Variants in RORA observed in about 807,000 individuals in gnomAD.
RORA encodes nuclear receptor ROR-alpha.
RORA carries 7 observed loss-of-function variants against 69.5 expected under a neutral mutation model. The ratio of observed to expected loss-of-function variants is 0.10; its 90% confidence interval spans 0.06 to 0.19. RORA has a LOEUF of 0.19. Ranked by LOEUF, RORA falls within the 10% of genes least tolerant of loss-of-function variation. RORA has a pLI of 1.00. For synonymous variants in RORA, 261 were observed against 240.8 expected (o/e 1.08, Z -0.78); for missense variants, 457 against 663.0 (o/e 0.69, Z 3.41).
At chr15:61,146,963 GA>G (rs1342024892) in intron 1 of RORA, among the ~76,000 whole-genome samples, 20 of 151,922 alleles carry the variant, frequency 1.3e-4, no homozygotes, top group Admixed American at 6.6e-5. Context: ...GACAGAAACA[GA>G]AGGTTGAAGC....
At chr15:60,560,523 G>A (rs1378166458) in intron 2 of RORA, among the ~76,000 whole-genome samples, 2 of 151,812 alleles carry the variant, frequency 1.3e-5, no homozygotes, top group Non-Finnish European at 2.9e-5. Context: ...GTGAGACCCT[G>A]CCTCAAAAAA....
intron 1 of RORA, among the ~76,000 whole-genome samples, chr15:60,918,378 T>C (rs191727360): frequency 1.3e-5 from 2 of 152,352 alleles, no homozygotes; most frequent in East Asian, 3.9e-4. Context: ...GAATTTCCAG[T>C]GGCTACTAAT....
intron 4 of RORA, among the ~76,000 whole-genome samples, chr15:60,512,602 A>C (rs1460663983): frequency 1.3e-5 from 2 of 152,152 alleles, no homozygotes; most frequent in Non-Finnish European, 1.5e-5. Context: ...ACCCATCTTT[A>C]AACACTTTCT....
intron 1 of RORA, among the ~76,000 whole-genome samples, chr15:60,827,695 T>G (rs1247055148): frequency 6.6e-6 from 1 of 151,906 alleles, no homozygotes; most frequent in African/African-American, 2.4e-5. Context: ...GGAATCTGGG[T>G]TGGGTGAGCA....
intron 1 of RORA, among the ~76,000 whole-genome samples, chr15:60,769,047 T>C (rs931233026): frequency 1.4e-4 from 21 of 152,292 alleles, no homozygotes; most frequent in Non-Finnish European, 2.8e-4. Flanking sequence ...TAATGCCCTA[T>C]TCAAGATTGG....
chr15:60,575,745 T>TC (rs1271864294), intron 2 of RORA, among the ~76,000 whole-genome samples: 2 of 152,220 alleles, frequency 1.3e-5, no homozygotes, highest in Non-Finnish European at 2.9e-5. Context: ...ATGCAAAACT[T>TC]AGCTTATAAA....
chr15:60,866,551 C>G (rs1387669888), intron 1 of RORA, among the ~76,000 whole-genome samples: 1 of 152,150 alleles, frequency 6.6e-6, no homozygotes, highest in African/African-American at 2.4e-5. Context: ...GCATGGGGGG[C>G]TGGTTGCCAG....
intron 1 of RORA, among the ~76,000 whole-genome samples, chr15:60,691,894 C>T (rs758185161): frequency 7.2e-5 from 11 of 152,162 alleles, no homozygotes; most frequent in Non-Finnish European, 1.6e-4. Context: ...CTCATATTGG[C>T]TCTGGGATAA....
intron 1 of RORA, among the ~76,000 whole-genome samples, chr15:60,833,419 T>C (rs980454573): frequency 3.9e-5 from 6 of 152,132 alleles, no homozygotes; most frequent in Admixed American, 3.9e-4. Flanking sequence ...TTTCACCACG[T>C]TGACCAGGCT....
At chr15:60,645,938 A>T (rs1054944824) in intron 2 of RORA, among the ~76,000 whole-genome samples, 2 of 152,194 alleles carry the variant, frequency 1.3e-5, no homozygotes, top group Non-Finnish European at 2.9e-5. Context: ...GATAAACTGA[A>T]ACAAATCAGT....
chr15:60,698,851 ATGT>A (rs1228282901), intron 1 of RORA, among the ~76,000 whole-genome samples: 3 of 151,984 alleles, frequency 2.0e-5, no homozygotes, highest in Non-Finnish European at 4.4e-5. Flanking sequence ...TTCATTTATG[ATGT>A]TGTTTTGTCT....
chr15:60,751,140 T>C (rs2140860810), intron 1 of RORA, among the ~76,000 whole-genome samples: 1 of 152,296 alleles, frequency 6.6e-6, no homozygotes, highest in Admixed American at 6.5e-5. Flanking sequence ...GTATGTCTCC[T>C]AAGAGCCTTC....
chr15:60,929,822 C>T (rs1051938868), intron 1 of RORA, among the ~76,000 whole-genome samples: 4 of 152,170 alleles, frequency 2.6e-5, no homozygotes, highest in African/African-American at 7.2e-5. Context: ...GCCTCCCCTC[C>T]AGCCCCCAGA....
chr15:61,094,379 C>T (rs1033130868), intron 1 of RORA, among the ~76,000 whole-genome samples: 1 of 152,038 alleles, frequency 6.6e-6, no homozygotes, highest in African/African-American at 2.4e-5. Flanking sequence ...TCAAATATGA[C>T]CGTATGATCT....
At chr15:60,500,041 T>A in intron 9 of RORA, 37 bp from the exon 10 acceptor site, 1 of 1,270,578 alleles carries the variant, frequency 7.9e-7, no homozygotes, top group Non-Finnish European at 1.1e-6. Flanking sequence ...AGCATTCCTC[T>A]GACATGGTGT....
At chr15:60,510,417 C>G (rs899461340) in intron 5 of RORA, 1 of 152,186 alleles carries the variant, frequency 6.6e-6, no homozygotes, top group Non-Finnish European at 1.5e-5. Context: ...GGTCACATCT[C>G]CCAAGAAGCA....
At chr15:60,859,779 G>C (rs1343782978) in intron 1 of RORA, among the ~76,000 whole-genome samples, 1 of 151,570 alleles carries the variant, frequency 6.6e-6, no homozygotes, top group Non-Finnish European at 1.5e-5. Flanking sequence ...GGTGGGGTGG[G>C]GAATACTTAA....
intron 1 of RORA, among the ~76,000 whole-genome samples, chr15:60,686,341 G>A (rs980494452): frequency 6.6e-6 from 1 of 152,194 alleles, no homozygotes; most frequent in Non-Finnish European, 1.5e-5. Flanking sequence ...AATGCACTAC[G>A]AAAAGTCCAT....
intron 2 of RORA, among the ~76,000 whole-genome samples, chr15:60,644,261 G>T (rs1057401460): frequency 2.6e-5 from 4 of 152,102 alleles, no homozygotes; most frequent in South Asian, 2.1e-4. Flanking sequence ...TTTGACACAG[G>T]CCCCTAATTA....
Sources: gnomAD v4.1 joint callset for allele counts (sites outside exome capture counted in the v4.1 genomes callset) on GRCh38, gnomAD v4.1.1 for gene constraint, MANE v1.5 for transcripts, NCBI Gene and HGNC (gene_info 2026-07-23, HGNC 2026-07-21) for gene names.